Variants in NDST4 observed in about 807,000 individuals in gnomAD.
NDST4 encodes N-heparan sulfate sulfotransferase 4.
A neutral mutation model predicts 100.8 loss-of-function variants in NDST4; 63 were observed. That is an observed-to-expected ratio of 0.62 (90% confidence interval 0.51 to 0.77). The LOEUF is 0.77. Ranked by LOEUF, NDST4 falls within the 30% of genes least tolerant of loss-of-function variation. NDST4 has a pLI of 0.00. For synonymous variants in NDST4, 377 were observed against 361.8 expected, an observed-to-expected ratio of 1.04 and a Z score of -0.48; for missense variants, 943 against 1,018.4, an observed-to-expected ratio of 0.93 and a Z score of 1.01.
intron 6 of NDST4, among the ~76,000 whole-genome samples, chr4:114,924,813 T>C (rs1188219523): frequency 1.3e-5 from 2 of 152,140 alleles, no homozygotes; most frequent in East Asian, 3.8e-4. Flanking sequence ...ATCTGTTATG[T>C]ATTTCAAAAT....
At chr4:115,019,679 C>T (rs1727766413) in intron 2 of NDST4, among the ~76,000 whole-genome samples, 1 of 152,110 alleles carries the variant, frequency 6.6e-6, no homozygotes, top group Non-Finnish European at 1.5e-5. Context: ...CTCAAAAACC[C>T]ATGTTGCAAT....
chr4:114,988,428 C>A (rs1726961714), intron 2 of NDST4, among the ~76,000 whole-genome samples: 1 of 126,954 alleles, frequency 7.9e-6, no homozygotes, highest in African/African-American at 3.0e-5. Context: ...GTGGCGCAAT[C>A]TTGGCTCACT....
chr4:114,947,412 C>A (rs1274037119), intron 4 of NDST4, among the ~76,000 whole-genome samples: 1 of 152,092 alleles, frequency 6.6e-6, no homozygotes, highest in Non-Finnish European at 1.5e-5. Flanking sequence ...AGCATGATAT[C>A]CTGAGAAATG....
At chr4:114,944,296 C>T (rs1725814106) in intron 4 of NDST4, among the ~76,000 whole-genome samples, 1 of 152,074 alleles carries the variant, frequency 6.6e-6, no homozygotes. Context: ...TTATGCAATG[C>T]CATCTAAAGT....
At chr4:114,925,142 A>G (rs907688572) in intron 6 of NDST4, among the ~76,000 whole-genome samples, 58 of 152,056 alleles carry the variant, frequency 3.8e-4, no homozygotes, top group Admixed American at 6.6e-4. Context: ...CATTGTCATA[A>G]TTTTCTTTAA....
intron 6 of NDST4, among the ~76,000 whole-genome samples, chr4:114,924,907 T>A (rs1725358592): frequency 6.6e-6 from 1 of 152,136 alleles, no homozygotes; most frequent in South Asian, 2.1e-4. Context: ...TACATTGACT[T>A]AATCTTTCCA....
In NDST4 at chr4:114,845,844, G is replaced by A. The variant is rs779070902; in HGVS notation, c.2094C>T (p.Asp698=). 1 of 1,613,964 alleles carries A rather than the reference G, an allele frequency of 6.2e-7. No homozygotes were observed. The highest frequency in any genetic ancestry group is 1.1e-5 in the South Asian group (1 of 91,062). ...ATACCTGGTACCAAGAGTATGCCCTGTCTGAGGGGTCAATGAGGATGGTGA... is the reference window on the plus strand; with the variant it reads ...ATACCTGGTACCAAGAGTATGCCCTATCTGAGGGGTCAATGAGGATGGTGA... ...KIITILIDPS[D]RAYSWYQHQR... Residue 698 remains aspartate, a synonymous_variant, in exon 10 of 14, where the codon GAC becomes GAT. Coordinates refer to ENST00000264363, the MANE Select transcript of NDST4 (RefSeq NM_022569.3).
At chr4:115,044,616 T>G (rs534657926) in intron 2 of NDST4, among the ~76,000 whole-genome samples, 8 of 151,898 alleles carry the variant, frequency 5.3e-5, no homozygotes, top group Admixed American at 1.3e-4. Context: ...AACACTCCTA[T>G]GTATTTTGAT....
At chr4:114,861,250 T>C (rs1723911812) in intron 7 of NDST4, among the ~76,000 whole-genome samples, 1 of 152,224 alleles carries the variant, frequency 6.6e-6, no homozygotes, top group South Asian at 2.1e-4. Context: ...CATGAACTCA[T>C]GAGGGAGACT....
Position 114,941,783 on chromosome 4 carries a change from A to G in NDST4, c.1222-4280T>C, listed in dbSNP as rs542868710. ...AGTCCCTGCAGGAGTACAGCGTACA[A>G]TCTGCTCCATGAGTCCTTCCAAAGA... On this transcript the variant is annotated intron_variant, in intron 4 of 13. Transcript: ENST00000264363. 4.2e-3 allele frequency among the ~76,000 whole-genome samples: 647 copies of G among 152,300 alleles called. 7 individuals are homozygous for G. Among genetic ancestry groups the G allele is most frequent in the Middle Eastern group, 0.027 (8 of 292 alleles).
At chr4:114,989,803 C>T (rs1310146169) in intron 2 of NDST4, among the ~76,000 whole-genome samples, 5 of 152,100 alleles carry the variant, frequency 3.3e-5, no homozygotes, top group African/African-American at 1.2e-4. Context: ...CTCTTAATAT[C>T]AAATGATACA....
chr4:115,080,463 T>C (rs1729278018), intron 1 of NDST4, among the ~76,000 whole-genome samples: 1 of 152,166 alleles, frequency 6.6e-6, no homozygotes, highest in African/African-American at 2.4e-5. Context: ...TGTAATTGTC[T>C]GCTTTGCAAA....
chr4:115,099,669 G>A (rs758570214), intron 1 of NDST4, among the ~76,000 whole-genome samples: 2 of 152,086 alleles, frequency 1.3e-5, no homozygotes, highest in Non-Finnish European at 2.9e-5. Context: ...AACACTAAAT[G>A]CTGGGGAGGA....
At chr4:115,071,574 T>C (rs1729078866) in intron 2 of NDST4, among the ~76,000 whole-genome samples, 1 of 152,134 alleles carries the variant, frequency 6.6e-6, no homozygotes, top group African/African-American at 2.4e-5. Flanking sequence ...TTGAAATATA[T>C]ATGAAATACC....
chr4:114,892,407 G>A (rs547125395), intron 6 of NDST4, among the ~76,000 whole-genome samples: 7 of 152,132 alleles, frequency 4.6e-5, no homozygotes, highest in South Asian at 2.1e-4. Context: ...TCTATTAGCC[G>A]TAGTATCTAT....
chr4:114,975,309 AAC>A (rs1726608034), intron 3 of NDST4, among the ~76,000 whole-genome samples: 1 of 152,124 alleles, frequency 6.6e-6, no homozygotes. Flanking sequence ...AAAGAAATTA[AAC>A]TTCTAAAATT....
chr4:114,874,841 T>A (rs1560789854), intron 6 of NDST4, among the ~76,000 whole-genome samples: 1 of 148,072 alleles, frequency 6.8e-6, no homozygotes, highest in Non-Finnish European at 1.5e-5. Context: ...TTTTTTACTG[T>A]TTATCTTTTT....
intron 10 of NDST4, among the ~76,000 whole-genome samples, chr4:114,840,694 T>A (rs920108396): frequency 1.3e-5 from 2 of 152,208 alleles, no homozygotes; most frequent in African/African-American, 4.8e-5. Flanking sequence ...TATGCGGGAA[T>A]AAGTGTTGTG....
intron 2 of NDST4, among the ~76,000 whole-genome samples, chr4:115,055,078 A>T (rs1560582507): frequency 1.3e-5 from 2 of 152,158 alleles, no homozygotes; most frequent in East Asian, 3.9e-4. Flanking sequence ...AGACTCTCAT[A>T]GGGGCGTGAA....
Sources: allele counts gnomAD v4.1 joint callset (sites outside exome capture counted in the v4.1 genomes callset), GRCh38; gene constraint gnomAD v4.1.1; transcripts MANE v1.5; gene names NCBI Gene and HGNC (gene_info 2026-07-23, HGNC 2026-07-21).